The following CPEB3 variants were observed in gnomAD, a reference collection of about 807,000 sequenced individuals.
CPEB3 encodes cytoplasmic polyadenylation element binding protein 3.
CPEB3 carries 20 observed loss-of-function variants against 67.2 expected under a neutral mutation model. The observed-to-expected ratio is 0.30, with a 90% CI of 0.21 to 0.43. The LOEUF (loss-of-function observed/expected upper bound fraction) is 0.43. CPEB3 is among the 20% of genes least tolerant of loss of function. The probability of loss-of-function intolerance (pLI) is 1.00; values close to 1 mark genes in which losing one functional copy is unlikely to be tolerated. For missense variants in CPEB3, 746 were observed against 968.6 expected, an observed-to-expected ratio of 0.77 and a Z score of 3.05; for synonymous variants, 376 against 393.1, an observed-to-expected ratio of 0.96 and a Z score of 0.51.
At chr10:92,088,698 T>C (rs1051348628) in intron 8 of CPEB3, among the ~76,000 whole-genome samples, 1 of 151,706 alleles carries the variant, frequency 6.6e-6, no homozygotes, top group Non-Finnish European at 1.5e-5. Flanking sequence ...CACTGTGACA[T>C]ATTAAGGGAT....
At chr10:92,240,951 C>T (rs1442017925) in intron 1 of CPEB3, among the ~76,000 whole-genome samples, 3 of 152,124 alleles carry the variant, frequency 2.0e-5, no homozygotes, top group Non-Finnish European at 4.4e-5. Flanking sequence ...TGCAGCGAAC[C>T]ACGAGGGAGG....
intron 4 of CPEB3, among the ~76,000 whole-genome samples, chr10:92,165,270 C>T (rs970825135): frequency 6.6e-6 from 1 of 152,058 alleles, no homozygotes; most frequent in African/African-American, 2.4e-5. Context: ...CATGATCATG[C>T]CACTGCACTC....
At chr10:92,253,463 C>CAAAAAAAAAAAAA (rs370091703) in intron 1 of CPEB3, among the ~76,000 whole-genome samples, 12 of 76,800 alleles carry the variant, frequency 1.6e-4, no homozygotes, top group African/African-American at 3.2e-4. Flanking sequence ...TGTCTCAAAA[C>CAAAAAAAAAAAAA]AAAAAAAAAA....
At chr10:92,288,244 G>T (rs530768306) in intron 1 of CPEB3, among the ~76,000 whole-genome samples, 1 of 152,070 alleles carries the variant, frequency 6.6e-6, no homozygotes, top group Admixed American at 6.6e-5. Context: ...AGGATCATTT[G>T]TGCTCATGAG....
At chr10:92,183,682 C>T (rs1848562286) in intron 3 of CPEB3, among the ~76,000 whole-genome samples, 1 of 152,152 alleles carries the variant, frequency 6.6e-6, no homozygotes, top group Non-Finnish European at 1.5e-5. Context: ...AATCACTGCC[C>T]ATCAGAACTT....
At chr10:92,103,112 T>A (rs1396032586) in intron 7 of CPEB3, among the ~76,000 whole-genome samples, 1 of 152,146 alleles carries the variant, frequency 6.6e-6, no homozygotes, top group Non-Finnish European at 1.5e-5. Context: ...CTCTCCTCAC[T>A]CCACTGAAAG....
intron 4 of CPEB3, among the ~76,000 whole-genome samples, chr10:92,162,726 G>A (rs1847548873): frequency 6.6e-6 from 1 of 152,120 alleles, no homozygotes; most frequent in Non-Finnish European, 1.5e-5. Flanking sequence ...GGGCACATGA[G>A]GCAACACTAA....
At chr10:92,079,525 G>A (rs1843059472) in intron 9 of CPEB3, among the ~76,000 whole-genome samples, 4 of 152,118 alleles carry the variant, frequency 2.6e-5, no homozygotes, top group Admixed American at 2.6e-4. Context: ...GAATCTCCAT[G>A]AATTTAAAGA....
At chr10:92,146,381 G>C (rs1408666147) in intron 4 of CPEB3, among the ~76,000 whole-genome samples, 2 of 151,196 alleles carry the variant, frequency 1.3e-5, no homozygotes, top group Admixed American at 6.6e-5. Context: ...TGAACCATTA[G>C]AGTACTCTAA....
At chr10:92,078,507 T>C (rs1489005908) in intron 9 of CPEB3, among the ~76,000 whole-genome samples, 3 of 151,996 alleles carry the variant, frequency 2.0e-5, no homozygotes, top group East Asian at 3.9e-4. Flanking sequence ...CAGTGACTGA[T>C]TGAAGCAGCA....
chr10:92,168,734 A>G (rs1402597382), intron 4 of CPEB3, among the ~76,000 whole-genome samples: 1 of 150,614 alleles, frequency 6.6e-6, no homozygotes, highest in East Asian at 2.0e-4. Flanking sequence ...CCATGATTGT[A>G]AGTTTCCTGA....
intron 1 of CPEB3, among the ~76,000 whole-genome samples, chr10:92,280,905 G>A (rs1842267634): frequency 1.3e-5 from 2 of 151,176 alleles, no homozygotes; most frequent in South Asian, 2.1e-4. Flanking sequence ...GATTACAGGT[G>A]TGTGCCACCA....
At chr10:92,258,625 A>AATACAT (rs1852629729) in intron 1 of CPEB3, among the ~76,000 whole-genome samples, 1 of 32,914 alleles carries the variant, frequency 3.0e-5, no homozygotes, top group Non-Finnish European at 4.6e-5. Context: ...ATATTTTTTG[A>AATACAT]ATATATATAT....
intron 2 of CPEB3, among the ~76,000 whole-genome samples, chr10:92,201,513 A>G (rs1477337873): frequency 6.6e-6 from 1 of 151,812 alleles, no homozygotes; most frequent in East Asian, 1.9e-4. Context: ...GGGCAACAGA[A>G]CAAGACACTG....
intron 2 of CPEB3, among the ~76,000 whole-genome samples, chr10:92,203,528 A>ATATATT (rs1319440652): frequency 1.1e-5 from 1 of 93,894 alleles, no homozygotes; most frequent in Non-Finnish European, 2.4e-5. Context: ...ATATATATAT[A>ATATATT]TTTTTTTTTT....
At chr10:92,288,473 C>A (rs374506850) in intron 1 of CPEB3, among the ~76,000 whole-genome samples, 44 of 137,912 alleles carry the variant, frequency 3.2e-4, no homozygotes, top group Middle Eastern at 7.4e-3. Flanking sequence ...AAAAAAAAAA[C>A]CCAGAATAAT....
At chr10:92,188,607 C>T (rs1011552272) in intron 3 of CPEB3, among the ~76,000 whole-genome samples, 8 of 151,960 alleles carry the variant, frequency 5.3e-5, no homozygotes, top group African/African-American at 1.7e-4. Flanking sequence ...GTAATCCTAG[C>T]TACTCAGGAG....
intron 7 of CPEB3, among the ~76,000 whole-genome samples, chr10:92,098,923 C>T (rs1459175061): frequency 6.6e-6 from 1 of 151,774 alleles, no homozygotes; most frequent in Non-Finnish European, 1.5e-5. Context: ...AGGCGCCTGC[C>T]CCAATGCCCA....
intron 4 of CPEB3, among the ~76,000 whole-genome samples, chr10:92,170,589 C>G (rs376488507): frequency 7.1e-6 from 1 of 141,712 alleles, no homozygotes; most frequent in African/African-American, 2.6e-5. Flanking sequence ...TAGCACATTG[C>G]TAAATGAAAC....
Sources: allele counts gnomAD v4.1 joint callset (sites outside exome capture counted in the v4.1 genomes callset), GRCh38; gene constraint gnomAD v4.1.1; transcripts MANE v1.5; gene names NCBI Gene and HGNC (gene_info 2026-07-23, HGNC 2026-07-21).